Variants in USP26 observed in about 807,000 individuals in gnomAD.
USP26 encodes ubiquitin specific peptidase 26.
For synonymous variants in USP26, 236 were observed against 240.6 expected, an observed-to-expected ratio of 0.98 and a Z score of 0.18; for missense variants, 649 against 642.3, an observed-to-expected ratio of 1.01 and a Z score of -0.11.
Position 133,024,924 on chromosome X carries a change from T to G in USP26, c.*555A>C, listed in dbSNP as rs1466657410. ...GGTGCTGCTAGTTTAAGGAGCATAC[T>G]TTTTAAACCACTGTATTAGAACATG... On this transcript the variant is annotated 3_prime_UTR_variant, in exon 6 of 6. Coordinates refer to ENST00000511190, the MANE Select transcript of USP26 (RefSeq NM_031907.3). 2 of 111,725 alleles carry G rather than the reference T, an allele frequency of 1.8e-5. No individual in the cohort carries two copies. The highest frequency in any genetic ancestry group is 3.7e-5 in the Non-Finnish European group (2 of 54,159). 9.2% of individuals were successfully genotyped at this position (111,725 alleles called of 1,213,427 possible).
At chrX:133,037,917 T>C (rs1246073998) in intron 5 of USP26, among the ~76,000 whole-genome samples, 1 of 111,261 alleles carries the variant, frequency 9.0e-6, no homozygotes, top group East Asian at 2.8e-4. Flanking sequence ...CTAGGTATTT[T>C]CTTTGTAGCA....
intron 4 of USP26, among the ~76,000 whole-genome samples, chrX:133,084,462 G>A (rs2067581284): frequency 9.1e-6 from 1 of 109,912 alleles, no homozygotes; most frequent in Non-Finnish European, 1.9e-5. Context: ...GCTGCCCAAA[G>A]TGCTGGGATT....
chrX:133,061,807 C>T (rs1004603136), intron 5 of USP26, among the ~76,000 whole-genome samples: 7 of 111,686 alleles, frequency 6.3e-5, no homozygotes, highest in Non-Finnish European at 1.1e-4. Flanking sequence ...CAGGAGATTC[C>T]CTCTGTGCTT....
chrX:133,090,689 G>C (rs1484653926), intron 3 of USP26, 29 bp downstream of exon 3: 1 of 112,227 alleles, frequency 8.9e-6, no homozygotes, highest in East Asian at 2.8e-4. Flanking sequence ...GCAATCTAGG[G>C]GGAACAGCAC....
intron 5 of USP26, among the ~76,000 whole-genome samples, chrX:133,080,201 A>G (rs780798217): frequency 6.3e-5 from 7 of 111,494 alleles, no homozygotes; most frequent in Non-Finnish European, 1.1e-4. Flanking sequence ...GTGTCACTAT[A>G]GTTAGGCCTC....
At position 133,028,124 on chromosome X, in the gene USP26, T is replaced by G. The variant is rs773819457; in HGVS notation, c.97A>C (p.Lys33Gln). The G allele has an allele frequency of 1.7e-5, 21 of 1,210,072 alleles. No individual in the cohort carries two copies. In the South Asian group the frequency reaches 3.2e-4, roughly 18 times the overall value. ...KEAFIEAVER[K>Q]KKDRLVLYFK... The stretch of plus-strand genomic sequence containing the variant: ...TACAGCACCAGTCTATCTTTCTTCT[T>G]TCTTTCCACTGCTTCAATGAATGCT... Residue 33 changes from lysine to glutamine, a missense_variant, in exon 6 of 6, where the codon AAG (lysine) becomes CAG (glutamine). By Grantham distance (53) the Lys-to-Gln change is moderately conservative. Transcript: ENST00000511190.
At chrX:133,077,829 C>T (rs1007124756) in intron 5 of USP26, among the ~76,000 whole-genome samples, 6 of 111,473 alleles carry the variant, frequency 5.4e-5, no homozygotes, top group Admixed American at 9.6e-5. Flanking sequence ...CGCCTGTAAC[C>T]CCAATACTTT....
At chrX:133,039,996 A>C (rs1007507884) in intron 5 of USP26, among the ~76,000 whole-genome samples, 1 of 111,224 alleles carries the variant, frequency 9.0e-6, no homozygotes, top group Non-Finnish European at 1.9e-5. Context: ...CTGTTTTATC[A>C]GAGACTAAGA....
chrX:133,041,014 A>C (rs1256111736), intron 5 of USP26, among the ~76,000 whole-genome samples: 2 of 109,536 alleles, frequency 1.8e-5, no homozygotes, highest in Admixed American at 9.9e-5. Context: ...TGCTTCACGA[A>C]GTTCTGCCGT....
intron 5 of USP26, among the ~76,000 whole-genome samples, chrX:133,047,972 T>C (rs2067446228): frequency 1.8e-5 from 2 of 112,082 alleles, no homozygotes; most frequent in Admixed American, 1.9e-4. Context: ...ATGAACCTTG[T>C]ACCCTGAGAC....
chrX:133,061,439 G>A (rs750870330), intron 5 of USP26, among the ~76,000 whole-genome samples: 1 of 112,596 alleles, frequency 8.9e-6, no homozygotes, highest in Non-Finnish European at 1.9e-5. Context: ...ATTACAATCT[G>A]TATTGTAATG....
chrX:133,031,506 A>G (rs950089410), intron 5 of USP26, among the ~76,000 whole-genome samples: 6 of 111,679 alleles, frequency 5.4e-5, no homozygotes, highest in African/African-American at 1.6e-4. Flanking sequence ...AGACAGGCCA[A>G]ATAAAAGATA....
At chrX:133,034,064 G>A (rs759817574) in intron 5 of USP26, among the ~76,000 whole-genome samples, 4 of 111,103 alleles carry the variant, frequency 3.6e-5, no homozygotes, top group Non-Finnish European at 3.8e-5. Flanking sequence ...ACTTTATTTC[G>A]ATGATTCCCA....
At position 133,088,081 on chromosome X, in the gene USP26, G is replaced by A. The variant is rs147074602; in HGVS notation, c.-142+2032C>T. Among the ~76,000 whole-genome samples, 27 of 111,789 alleles carry A rather than the reference G, an allele frequency of 2.4e-4. 1 individual carries two copies. The East Asian group carries it at 6.8e-3, about 28-fold the overall frequency. On this transcript the variant is annotated intron_variant, in intron 4 of 5. Transcript: ENST00000511190. ...GCTACTCAGGGGGCTGAGGCATGAG[G>A]ACTGCTTGAGCCCAGGAGTTCAAGA...
intron 5 of USP26, among the ~76,000 whole-genome samples, chrX:133,082,240 C>T (rs1198485752): frequency 1.8e-5 from 2 of 111,971 alleles, no homozygotes; most frequent in Admixed American, 1.9e-4. Context: ...CTGTTCACAG[C>T]CCTCTCCCTA....
At position 133,027,273 on chromosome X, in the gene USP26, G is replaced by T. The variant is rs773452734; in HGVS notation, c.948C>A (p.Ile316=). The part of the protein sequence containing the change: ...MNAVLQSLLS[I]PSFADDLLNQ... ...TAAGTAAATCATCAGCAAACGATGG[G>T]ATTGAAAGTAGAGACTGTAACACTG... is the stretch of plus-strand genomic sequence containing the variant. Residue 316 remains isoleucine (I), a synonymous_variant, in exon 6 of 6, where the codon ATC becomes ATA. Transcript: ENST00000511190. 5.0e-6 allele frequency: 6 copies of T among 1,209,809 alleles called. No homozygotes were observed. The East Asian group carries it at 1.8e-4, about 36-fold the overall frequency.
At chrX:133,049,650 A>C (rs2067452182) in intron 5 of USP26, among the ~76,000 whole-genome samples, 1 of 112,394 alleles carries the variant, frequency 8.9e-6, no homozygotes, top group Admixed American at 9.4e-5. Flanking sequence ...TCTTTGTATG[A>C]AAAAAATGAG....
chrX:133,072,063 T>C, intron 5 of USP26, among the ~76,000 whole-genome samples: 1 of 111,736 alleles, frequency 8.9e-6, no homozygotes, highest in Non-Finnish European at 1.9e-5. Flanking sequence ...CCCTGGGTAA[T>C]ACATTGGGCA....
chrX:133,081,295 A>C lies in USP26; in HGVS notation c.-77+2412T>G, dbSNP rs752867360. Among the ~76,000 whole-genome samples, 21 of 112,041 alleles carry C rather than the reference A, an allele frequency of 1.9e-4. No homozygotes were observed. In the East Asian group the frequency reaches 5.9e-3, roughly 31 times the overall value. Reference sequence around the variant, plus strand: ...AAGATGATGATTAACACTACTTACTATCCTTTTCTCATGTATAAAGAGCAC... The same window carrying C: ...AAGATGATGATTAACACTACTTACTCTCCTTTTCTCATGTATAAAGAGCAC... On this transcript the variant is annotated intron_variant, in intron 5 of 5. Transcript: ENST00000511190.
Sources: allele counts gnomAD v4.1 joint callset (sites outside exome capture counted in the v4.1 genomes callset), GRCh38; gene constraint gnomAD v4.1.1; transcripts MANE v1.5; gene names NCBI Gene and HGNC (gene_info 2026-07-23, HGNC 2026-07-21).